The following PDXK variants were observed in gnomAD, a reference collection of about 807,000 sequenced individuals.
PDXK encodes epididymis secretory sperm binding protein Li 1a.
Under a neutral mutation model 43.2 loss-of-function variants are expected in PDXK, and 15 were observed. The ratio of observed to expected loss-of-function variants is 0.35; its 90% confidence interval spans 0.23 to 0.53. The LOEUF is 0.53. Among genes scored for constraint, PDXK ranks in the 20% least tolerant of loss-of-function variants. The pLI, the probability that PDXK is intolerant of heterozygous loss-of-function variation, is 0.92. For missense variants in PDXK, 343 were observed against 417.0 expected, an observed-to-expected ratio of 0.82 and a Z score of 1.54; for synonymous variants, 172 against 165.4, an observed-to-expected ratio of 1.04 and a Z score of -0.31.
At chr21:43,719,783 C>T (rs904696981) in intron 1 of PDXK, 2 of 985,352 alleles carry the variant, frequency 2.0e-6, no homozygotes, top group South Asian at 9.4e-5. Context: ...TCACGCGAGC[C>T]GGGACCTTGC....
intron 1 of PDXK, among the ~76,000 whole-genome samples, chr21:43,721,516 GCCTTATGGGGACTGA>G (rs1568970320): frequency 2.0e-5 from 3 of 152,246 alleles, no homozygotes; most frequent in African/African-American, 7.2e-5. Flanking sequence ...CTGGAGAGGC[GCCTTATGGGGACTGA>G]CCCAGGTGTC....
At chr21:43,740,903 C>G (rs1295535617) in intron 2 of PDXK, 1 of 150,978 alleles carries the variant, frequency 6.6e-6, no homozygotes, top group Admixed American at 6.6e-5. Context: ...TGACAGTGGC[C>G]GGTGGCCGAG....
chr21:43,749,582 G>A (rs1396161321), intron 6 of PDXK, among the ~76,000 whole-genome samples: 2 of 152,262 alleles, frequency 1.3e-5, no homozygotes, highest in Non-Finnish European at 2.9e-5. Context: ...ATGTGGTGGG[G>A]GCGCCTGGGT....
At chr21:43,751,665 C>T (rs2083753763) in intron 7 of PDXK, among the ~76,000 whole-genome samples, 1 of 152,188 alleles carries the variant, frequency 6.6e-6, no homozygotes, top group African/African-American at 2.4e-5. Context: ...GGCTACTTTG[C>T]TACCCGGACT....
intron 1 of PDXK, among the ~76,000 whole-genome samples, chr21:43,725,000 C>T (rs2147206342): frequency 6.6e-6 from 1 of 151,986 alleles, no homozygotes; most frequent in East Asian, 1.9e-4. Flanking sequence ...TGTGGCATCA[C>T]TGGAGGGTTC....
intron 5 of PDXK, among the ~76,000 whole-genome samples, chr21:43,748,756 C>A (rs989650417): frequency 6.6e-6 from 1 of 152,138 alleles, no homozygotes; most frequent in Non-Finnish European, 1.5e-5. Flanking sequence ...ACCCACTGTG[C>A]GCCCTGAGTC....
chr21:43,722,277 C>T (rs2083212237), intron 1 of PDXK, among the ~76,000 whole-genome samples: 1 of 152,164 alleles, frequency 6.6e-6, no homozygotes. Flanking sequence ...GGAGGTTTGG[C>T]TCTTTGGAGC....
chr21:43,735,146 C>A lies in PDXK; in HGVS notation c.142+1023C>A, dbSNP rs76482865. ...TGAAACCCTTTCCTGCCTTTGCTTG[C>A]GGGGCACACTGGGTGCTGTGAGATT... On this transcript the variant is annotated intron_variant, in intron 2 of 10. Transcript: ENST00000291565. This position sits in a 1 kb window ranked among gnomAD's most constrained non-coding sequence, Gnocchi z 5.3. Among the ~76,000 whole-genome samples, 1 of 152,224 alleles carries A rather than the reference C, an allele frequency of 6.6e-6. No homozygotes were observed. The highest frequency in any genetic ancestry group is 2.4e-5 in the African/African-American group (1 of 41,444).
chr21:43,750,979 T>TGTGTGTGTGTGC (rs57132172), intron 7 of PDXK, among the ~76,000 whole-genome samples: 1 of 148,288 alleles, frequency 6.7e-6, no homozygotes, highest in African/African-American at 2.5e-5. Context: ...TGTGTGTGTG[T>TGTGTGTGTGTGC]GCACATGTGT....
Position 43,732,330 on chromosome 21 carries a change from G to T in PDXK, c.88-1739G>T, listed in dbSNP as rs188460496. The T allele has an allele frequency of 1.2e-6, 2 of 1,604,240 alleles. No individual in the cohort carries two copies. Among genetic ancestry groups the T allele is most frequent in the Non-Finnish European group, 1.7e-6 (2 of 1,173,266 alleles). On this transcript the variant is annotated intron_variant, in intron 1 of 10. Transcript: ENST00000291565. The surrounding 1 kb of genome is among the most constrained non-coding windows in gnomAD (Gnocchi z 4.1). ...CCTGGACCTTGGCACCCCGCCCCCCGTGCATTGTCGTCTTCTGAGTCTGGC... is the reference window on the plus strand; with the variant it reads ...CCTGGACCTTGGCACCCCGCCCCCCTTGCATTGTCGTCTTCTGAGTCTGGC...
chr21:43,740,782 T>C (rs1001732374), intron 2 of PDXK, among the ~76,000 whole-genome samples: 7 of 151,772 alleles, frequency 4.6e-5, no homozygotes, highest in African/African-American at 1.7e-4. Flanking sequence ...TTCACATCTA[T>C]CTCTTGCTCA....
rs2083850322 is a variant in PDXK, at chr21:43,756,321, C to T, written c.*258C>T. ...GCTCCTGGGCCTCCGGGAAGACGGG[C>T]CCCTGTTTGCCATCTCGGGGGTGTT... is the stretch of plus-strand genomic sequence containing the variant. On this transcript the variant is annotated 3_prime_UTR_variant, in exon 11 of 11. Transcript: ENST00000291565. The T allele has an allele frequency of 2.7e-6, 1 of 365,624 alleles. No individual in the cohort carries two copies. The allele number at this position is 365,624 out of a possible 1,614,324, so 22.6% of individuals were successfully genotyped here.
Position 43,719,372 on chromosome 21 carries a change from C to G in PDXK, c.78C>G (p.Phe26Leu). 6.6e-7 allele frequency: 1 copy of G among 1,523,864 alleles called. No individual in the cohort carries two copies. Among genetic ancestry groups the G allele is most frequent in the Non-Finnish European group, 8.8e-7 (1 of 1,136,694 alleles). The allele number at this position is 1,523,864 out of a possible 1,614,324, so 94.4% of individuals were successfully genotyped here. A position where few individuals can be genotyped will look rare whatever the true frequency, so the allele number is the denominator to read the frequency against. ...RGYVGNRAAT[F>L]PLQVLGFEID... is the part of the protein sequence containing the mutation. ...ACGTGGGCAACCGGGCGGCCACGTT[C>G]CCGCTGCAGGTACGCATCCGCCCGC... Residue 26 changes from phenylalanine to leucine, a missense_variant, in exon 1 of 11, where the codon TTC (phenylalanine) becomes TTG (leucine). Coordinates refer to ENST00000291565, the MANE Select transcript of PDXK (RefSeq NM_003681.5).
At position 43,741,680 on chromosome 21, in the gene PDXK, G is replaced by C. The variant is rs755926926; in HGVS notation, c.156G>C (p.Trp52Cys). The part of the protein sequence containing the change: ...QFSNHTGYAH[W>C]KGQVLNSDEL... ...CTCTGCCTCTAGGCTATGCCCACTG[G>C]AAGGGCCAAGTGCTGAATTCAGATG... Residue 52 changes from tryptophan (W) to cysteine (C), a missense_variant, in exon 3 of 11, where the codon TGG (tryptophan) becomes TGC (cysteine). Coordinates refer to ENST00000291565, the MANE Select transcript of PDXK (RefSeq NM_003681.5). 3.7e-6 allele frequency: 6 copies of C among 1,612,800 alleles called. No individual in the cohort carries two copies. In the East Asian group the frequency reaches 1.3e-4, roughly 36 times the overall value.
rs1014637523 is a variant in PDXK, at chr21:43,737,683, C to T, written c.142+3560C>T. ...GAGAAGGCCAGGGCCAGGAGCCTGC[C>T]GACGGACACCAGCGAGGGGCCAGGC... is the stretch of plus-strand genomic sequence containing the variant. On this transcript the variant is annotated intron_variant, in intron 2 of 10. Coordinates refer to ENST00000291565, the MANE Select transcript of PDXK (RefSeq NM_003681.5). The surrounding 1 kb of genome is among the most constrained non-coding windows in gnomAD (Gnocchi z 4.8). The T allele has an allele frequency of 1.1e-4, 83 of 729,224 alleles. No individual in the cohort carries two copies. The Admixed American group carries it at 1.2e-3, about 11-fold the overall frequency. 45.2% of individuals were successfully genotyped at this position (729,224 alleles called of 1,614,324 possible).
intron 9 of PDXK, chr21:43,755,360 TG>T (rs2083828616): frequency 3.6e-6 from 1 of 278,616 alleles, no homozygotes; most frequent in African/African-American, 2.2e-5. Flanking sequence ...CACTTCCCCT[TG>T]TAGACTCGTT....
At chr21:43,729,963 A>G (rs2083296825) in intron 1 of PDXK, among the ~76,000 whole-genome samples, 1 of 151,948 alleles carries the variant, frequency 6.6e-6, no homozygotes, top group Non-Finnish European at 1.5e-5. Context: ...AAACCAAAAC[A>G]AAACAAAAAA....
chr21:43,742,578 C>T (rs189921129), intron 3 of PDXK, among the ~76,000 whole-genome samples: 1 of 152,296 alleles, frequency 6.6e-6, no homozygotes, highest in Non-Finnish European at 1.5e-5. Context: ...CTCTACATGT[C>T]TAAAGGTCAC....
At chr21:43,750,469 C>T (rs1305284616) in intron 6 of PDXK, 31 bp from the exon 7 acceptor site, 4 of 1,592,892 alleles carry the variant, frequency 2.5e-6, no homozygotes, top group South Asian at 1.1e-5. Context: ...GCTCACCTGT[C>T]CCCACCCGCC....
Sources: gnomAD v4.1 joint callset for allele counts (sites outside exome capture counted in the v4.1 genomes callset) on GRCh38, gnomAD v4.1.1 for gene constraint, Gnocchi (gnomAD v3.1) non-coding constraint, MANE v1.5 for transcripts, NCBI Gene and HGNC (gene_info 2026-07-23, HGNC 2026-07-21) for gene names.